The following OR51E1 variants were observed in gnomAD, a reference collection of about 807,000 sequenced individuals.
OR51E1 encodes olfactory receptor 51E1.
OR51E1 carries 9 observed loss-of-function variants against 11.5 expected under a neutral mutation model. The ratio of observed to expected loss-of-function variants is 0.78; its 90% CI spans 0.47 to 1.37. The LOEUF (loss-of-function observed/expected upper bound fraction) is 1.37, where lower values mean the gene tolerates loss of function less well. Ranked by LOEUF, OR51E1 falls within the 40% of genes most tolerant of loss-of-function variation. The probability of loss-of-function intolerance (pLI) is 0.00; values close to 1 mark genes in which losing one functional copy is unlikely to be tolerated. For missense variants in OR51E1, 397 were observed against 410.2 expected (o/e 0.97, Z 0.28); for synonymous variants, 168 against 158.3 (o/e 1.06, Z -0.46).
chr11:4,653,271 G>A lies in OR51E1; in HGVS notation c.745G>A (p.Ala249Thr). Residue 249 changes from alanine (A) to threonine (T), a missense_variant, in exon 2 of 2, where the codon GCT becomes ACT. Coordinates refer to ENST00000396952, the MANE Select transcript of OR51E1 (RefSeq NM_152430.4). ...TGGCACTTGCGTCTCTCATGTGTGT[G>A]CTGTGTTCATATTCTATGTACCTTT... The part of the protein sequence containing the change: ...AFGTCVSHVC[A>T]VFIFYVPFIG... 1 of 1,614,160 alleles carries A rather than the reference G, an allele frequency of 6.2e-7. No homozygotes were observed. The highest frequency in any genetic ancestry group is 8.5e-7 in the Non-Finnish European group (1 of 1,180,012).
Position 4,653,598 on chromosome 11 carries a change from A to G in OR51E1, c.*115A>G, listed in dbSNP as rs1421208801. The G allele has an allele frequency of 1.7e-6, 1 of 603,352 alleles. No homozygotes were observed. The highest frequency in any genetic ancestry group is 2.9e-6 in the Non-Finnish European group (1 of 339,166). 37.4% of individuals were successfully genotyped at this position (603,352 alleles called of 1,614,324 possible). ...TTTCCTTAATAAAAATACAACTCAG[A>G]TCCTTCAAATATGAAACTGGTTGGG... is the stretch of plus-strand genomic sequence containing the variant. On this transcript the variant is annotated 3_prime_UTR_variant, in exon 2 of 2. Coordinates refer to ENST00000396952, the MANE Select transcript of OR51E1 (RefSeq NM_152430.4).
intron 1 of OR51E1, among the ~76,000 whole-genome samples, chr11:4,649,721 G>A (rs961274429): frequency 3.3e-5 from 5 of 152,154 alleles, no homozygotes; most frequent in Non-Finnish European, 7.4e-5. Flanking sequence ...TGGCTTGTAT[G>A]ATGGTTCACG....
chr11:4,653,360 G>A lies in OR51E1; in HGVS notation c.834G>A (p.Leu278=), dbSNP rs1467271595. 6.2e-7 allele frequency: 1 copy of A among 1,613,844 alleles called. No individual in the cohort carries two copies. Among genetic ancestry groups the A allele is most frequent in the Non-Finnish European group, 8.5e-7 (1 of 1,179,896 alleles). The part of the protein sequence containing the change: ...KRRDSPLPVI[L]ANIYLLVPPV... ...GTGACTCTCCGCTGCCCGTCATCTT[G>A]GCCAATATCTATCTGCTGGTTCCTC... Residue 278 remains leucine (L), a synonymous_variant, in exon 2 of 2, where the codon TTG becomes TTA. Coordinates refer to ENST00000396952, the MANE Select transcript of OR51E1 (RefSeq NM_152430.4).
At position 4,654,548 on chromosome 11, in the gene OR51E1, T is replaced by C. The variant is rs760033895; in HGVS notation, c.*1065T>C. On this transcript the variant is annotated 3_prime_UTR_variant, in exon 2 of 2. Coordinates refer to ENST00000396952, the MANE Select transcript of OR51E1 (RefSeq NM_152430.4). ...AAGTTATTTATTTTTAAAAGTTCCA[T>C]AGGTGATTCTGATAGGCAGTGAGGT... 6.0e-6 allele frequency: 1 copy of C among 167,054 alleles called. No individual in the cohort carries two copies. The highest frequency in any genetic ancestry group is 1.5e-5 in the Non-Finnish European group (1 of 68,122). 10.3% of individuals were successfully genotyped at this position (167,054 alleles called of 1,614,324 possible).
At chr11:4,644,082 A>T (rs138849667) in intron 1 of OR51E1, 52 bp downstream of exon 1, 1 of 153,026 alleles carries the variant, frequency 6.5e-6, no homozygotes, top group Non-Finnish European at 1.5e-5. Context: ...ACTTGCAGCT[A>T]GGGGTCTCCT....
rs907481318 is a variant in OR51E1, at chr11:4,654,378, G to A, written c.*895G>A. Reference sequence around the variant, plus strand: ...CAGTGTTGTATTTAGGAATTTCCTGGCAACAGAACTCATGGCTTTAATCCC... The same window carrying A: ...CAGTGTTGTATTTAGGAATTTCCTGACAACAGAACTCATGGCTTTAATCCC... On this transcript the variant is annotated 3_prime_UTR_variant, in exon 2 of 2. Transcript: ENST00000396952. 1 of 167,040 alleles carries A rather than the reference G, an allele frequency of 6.0e-6. No homozygotes were observed. The highest frequency in any genetic ancestry group is 2.4e-5 in the African/African-American group (1 of 41,424). The allele number at this position is 167,040 out of a possible 1,614,324, so 10.3% of individuals were successfully genotyped here.
chr11:4,652,236 A>G (rs1207750109), intron 1 of OR51E1, among the ~76,000 whole-genome samples: 1 of 152,194 alleles, frequency 6.6e-6, no homozygotes, highest in Non-Finnish European at 1.5e-5. Flanking sequence ...CATATGCTTA[A>G]AATTTTTGTC....
At chr11:4,646,945 G>A (rs962809964) in intron 1 of OR51E1, among the ~76,000 whole-genome samples, 1 of 152,092 alleles carries the variant, frequency 6.6e-6, no homozygotes. Context: ...ATGTCTTGGA[G>A]CCTCAGTTTT....
rs1258151349 is a variant in OR51E1, at chr11:4,653,523, G to A, written c.*40G>A. ...ACTTCTTTTCCATTCAGAGTCCTCT[G>A]ATTCAGATTTTAATGTTAACATTTT... On this transcript the variant is annotated 3_prime_UTR_variant, in exon 2 of 2. Coordinates refer to ENST00000396952, the MANE Select transcript of OR51E1 (RefSeq NM_152430.4). 1 of 1,242,108 alleles carries A rather than the reference G, an allele frequency of 8.1e-7. No individual in the cohort carries two copies. The highest frequency in any genetic ancestry group is 1.5e-5 in the African/African-American group (1 of 66,376). 76.9% of individuals were successfully genotyped at this position (1,242,108 alleles called of 1,614,324 possible). A position where few individuals can be genotyped will look rare whatever the true frequency, so the allele number is the denominator to read the frequency against.
rs142883708 is a variant in OR51E1, at chr11:4,652,602, G to T, written c.76G>T (p.Ala26Ser). ...ILIGLPGLEE[A>S]QFWLAFPLCS... is the part of the protein sequence containing the mutation. ...AATAGGCCTCCCTGGTTTAGAAGAG[G>T]CTCAGTTCTGGTTGGCCTTCCCATT... The change falls in exon 2 of 2, where the codon GCT becomes TCT. Residue 26 changes from alanine to serine, a missense_variant. Coordinates refer to ENST00000396952, the MANE Select transcript of OR51E1 (RefSeq NM_152430.4). 1 of 1,614,098 alleles carries T rather than the reference G, an allele frequency of 6.2e-7. No individual in the cohort carries two copies.
At chr11:4,650,704 C>G (rs1225371909) in intron 1 of OR51E1, among the ~76,000 whole-genome samples, 2 of 152,198 alleles carry the variant, frequency 1.3e-5, no homozygotes, top group Middle Eastern at 3.4e-3. Context: ...AGTGCAGAAA[C>G]CCCTATCCCA....
intron 1 of OR51E1, among the ~76,000 whole-genome samples, chr11:4,648,098 T>C (rs1847050918): frequency 6.6e-6 from 1 of 152,328 alleles, no homozygotes; most frequent in African/African-American, 2.4e-5. Context: ...TCCTTCTCCA[T>C]CCATTCATTT....
At chr11:4,646,407 A>G (rs1847031042) in intron 1 of OR51E1, among the ~76,000 whole-genome samples, 1 of 152,218 alleles carries the variant, frequency 6.6e-6, no homozygotes, top group Non-Finnish European at 1.5e-5. Flanking sequence ...AATAGTGCTT[A>G]CAAAGCGAAG....
At chr11:4,647,510 C>T (rs774383566) in intron 1 of OR51E1, among the ~76,000 whole-genome samples, 1 of 151,882 alleles carries the variant, frequency 6.6e-6, no homozygotes, top group Non-Finnish European at 1.5e-5. Flanking sequence ...CTCCTGCTGT[C>T]TGGTTTATCT....
chr11:4,652,649 T>C lies in OR51E1; in HGVS notation c.123T>C (p.Ala41=). Residue 41 remains alanine (A), a synonymous_variant, in exon 2 of 2, where the codon GCT becomes GCC. Transcript: ENST00000396952. ...CATTGTGCTCCCTCTACCTTATTGC[T>C]GTGCTAGGTAACTTGACAATCATCT... The part of the protein sequence containing the change: ...AFPLCSLYLI[A]VLGNLTIIYI... The C allele has an allele frequency of 3.1e-6, 5 of 1,614,132 alleles. No homozygotes were observed. Among genetic ancestry groups the C allele is most frequent in the Non-Finnish European group, 4.2e-6 (5 of 1,179,956 alleles).
In OR51E1 at chr11:4,645,780, G is replaced by A. The variant is rs7342197; in HGVS notation, c.-40+1750G>A. Among the ~76,000 whole-genome samples the A allele has an allele frequency of 1.5e-3, 235 of 152,286 alleles. 1 individual carries two copies. The highest frequency in any genetic ancestry group is 5.3e-3 in the African/African-American group (221 of 41,562). ...GGAACTCTGCCTAGGGGTGATTTTA[G>A]GTGGTCAGGCTGACTTGAGTGACCA... On this transcript the variant is annotated intron_variant, in intron 1 of 1. Transcript: ENST00000396952.
At chr11:4,647,888 A>G (rs1847048387) in intron 1 of OR51E1, among the ~76,000 whole-genome samples, 1 of 152,002 alleles carries the variant, frequency 6.6e-6, no homozygotes, top group Non-Finnish European at 1.5e-5. Flanking sequence ...ATTGTGCCTT[A>G]TTTTCAAAAT....
rs534708985 is a variant in OR51E1 at position 4,654,981 on chromosome 11, G to A, written c.*1498G>A. On this transcript the variant is annotated 3_prime_UTR_variant, in exon 2 of 2. Coordinates refer to ENST00000396952, the MANE Select transcript of OR51E1 (RefSeq NM_152430.4). ...TGTAATGGATATCATATTTGGAAATGCCTATTTAATACTTGTATTTGCTGC... is the reference window on the plus strand; with the variant it reads ...TGTAATGGATATCATATTTGGAAATACCTATTTAATACTTGTATTTGCTGC... 3.2e-4 allele frequency: 53 copies of A among 167,090 alleles called. No homozygotes were observed. Among genetic ancestry groups the A allele is most frequent in the African/African-American group, 1.2e-3 (48 of 41,556 alleles). 10.4% of individuals were successfully genotyped at this position (167,090 alleles called of 1,614,324 possible). A position where few individuals can be genotyped will look rare whatever the true frequency, so the allele number is the denominator to read the frequency against.
At position 4,653,427 on chromosome 11, in the gene OR51E1, A is replaced by T; in HGVS notation, c.901A>T (p.Ile301Phe). Reference sequence around the variant, plus strand: ...TGTCTATGGAGTGAAGACAAAGGAGATTCGACAGCGCATCCTTCGACTTTT... The same window carrying T: ...TGTCTATGGAGTGAAGACAAAGGAGTTTCGACAGCGCATCCTTCGACTTTT... ...PIVYGVKTKEIRQRILRLFHV... is the reference protein window; with the variant it reads ...PIVYGVKTKEFRQRILRLFHV... Residue 301 changes from isoleucine to phenylalanine, a missense_variant, in exon 2 of 2, where the codon ATT becomes TTT. By Grantham distance (21) the Ile-to-Phe change is conservative. Transcript: ENST00000396952. The T allele has an allele frequency of 6.2e-7, 1 of 1,614,062 alleles. No individual in the cohort carries two copies. The highest frequency in any genetic ancestry group is 8.5e-7 in the Non-Finnish European group (1 of 1,179,970).
Sources: allele counts gnomAD v4.1 joint callset (sites outside exome capture counted in the v4.1 genomes callset), GRCh38; gene constraint gnomAD v4.1.1; transcripts MANE v1.5; gene names NCBI Gene and HGNC (gene_info 2026-07-23, HGNC 2026-07-21).